Variants in ZNF385D observed in about 807,000 individuals in gnomAD.
ZNF385D encodes zinc finger protein 659.
Under a neutral mutation model 35.8 loss-of-function variants are expected in ZNF385D, and 15 were observed. The ratio of observed to expected loss-of-function variants is 0.42; its 90% CI spans 0.28 to 0.64. ZNF385D has a LOEUF of 0.64. ZNF385D is among the 30% of genes least tolerant of loss of function. The pLI, the probability that ZNF385D is intolerant of heterozygous loss-of-function variation, is 0.23. For synonymous variants in ZNF385D, 212 were observed against 186.8 expected (o/e 1.13, Z -1.10); for missense variants, 474 against 494.6 (o/e 0.96, Z 0.39).
chr3:21,735,596 G>A (rs751869067), intron 1 of ZNF385D, among the ~76,000 whole-genome samples: 1 of 152,166 alleles, frequency 6.6e-6, no homozygotes. Context: ...ATGGCTCAAT[G>A]AACAGAGGGG....
At chr3:22,004,860 T>G (rs570362323) in intron 3 of ZNF385D, among the ~76,000 whole-genome samples, 2 of 152,016 alleles carry the variant, frequency 1.3e-5, no homozygotes, top group Non-Finnish European at 2.9e-5. Context: ...CTCACATATA[T>G]TGATTGATGT....
intron 1 of ZNF385D, among the ~76,000 whole-genome samples, chr3:21,698,492 ACCTCTT>A (rs2067550720): frequency 6.6e-6 from 1 of 152,106 alleles, no homozygotes; most frequent in Non-Finnish European, 1.5e-5. Flanking sequence ...TTGAAAAAGT[ACCTCTT>A]GGGTACAGTG....
chr3:21,663,890 A>AATATATAT (rs66691637), intron 2 of ZNF385D, among the ~76,000 whole-genome samples: 784 of 64,378 alleles, frequency 0.012, 40 homozygotes, highest in African/African-American at 0.033. Flanking sequence ...TTGTGGGCCG[A>AATATATAT]ATATATATAT....
chr3:21,493,619 T>G (rs991669195), intron 4 of ZNF385D, among the ~76,000 whole-genome samples: 2 of 150,704 alleles, frequency 1.3e-5, no homozygotes, highest in Non-Finnish European at 3.0e-5. Context: ...AAATCCCTTT[T>G]AGGTTAATGG....
intron 3 of ZNF385D, among the ~76,000 whole-genome samples, chr3:21,936,845 C>A (rs1345525024): frequency 6.6e-6 from 1 of 152,074 alleles, no homozygotes; most frequent in Non-Finnish European, 1.5e-5. Context: ...CTGTAAACTT[C>A]CTGGGCTTTT....
intron 2 of ZNF385D, among the ~76,000 whole-genome samples, chr3:21,636,002 T>C (rs2065420612): frequency 6.6e-6 from 1 of 152,122 alleles, no homozygotes. Flanking sequence ...CAATTGCAAA[T>C]TGTGCTGCTG....
intron 3 of ZNF385D, among the ~76,000 whole-genome samples, chr3:22,149,839 T>C (rs1372787121): frequency 2.6e-5 from 4 of 152,160 alleles, no homozygotes; most frequent in Non-Finnish European, 5.9e-5. Context: ...TCTCAGACTT[T>C]TTTTTGTCTT....
chr3:21,759,428 G>A (rs573947378), intron 3 of ZNF385D, among the ~76,000 whole-genome samples: 13 of 151,414 alleles, frequency 8.6e-5, no homozygotes, highest in African/African-American at 3.2e-4. Flanking sequence ...ATGCCATATT[G>A]GATGAGATCT....
chr3:21,750,257 T>G (rs2069998123), intron 1 of ZNF385D, among the ~76,000 whole-genome samples: 3 of 152,216 alleles, frequency 2.0e-5, no homozygotes, highest in Admixed American at 2.0e-4. Context: ...GCAGCTCAAC[T>G]GAAAACCTAA....
intron 4 of ZNF385D, among the ~76,000 whole-genome samples, chr3:21,498,449 T>C (rs1706089296): frequency 6.6e-6 from 1 of 152,120 alleles, no homozygotes; most frequent in African/African-American, 2.4e-5. Context: ...AGAATATATT[T>C]GCAAACTATC....
intron 3 of ZNF385D, among the ~76,000 whole-genome samples, chr3:22,100,844 T>C (rs78883529): frequency 0.11 from 16,503 of 150,422 alleles, 1,089 homozygotes; most frequent in Admixed American, 0.19. Flanking sequence ...AATATTAAAA[T>C]AAAAAAAAGA....
intron 2 of ZNF385D, among the ~76,000 whole-genome samples, chr3:21,617,777 GT>G (rs2064891122): frequency 6.6e-6 from 1 of 152,168 alleles, no homozygotes; most frequent in Admixed American, 6.5e-5. Context: ...TTGGTACGAT[GT>G]TTGAGACTGC....
intron 2 of ZNF385D, among the ~76,000 whole-genome samples, chr3:22,200,394 C>G (rs947279031): frequency 2.6e-5 from 4 of 151,974 alleles, no homozygotes; most frequent in Non-Finnish European, 5.9e-5. Flanking sequence ...GCCGTAAAAC[C>G]AGCAAGTTTT....
At chr3:21,712,049 G>A (rs2068129747) in intron 1 of ZNF385D, among the ~76,000 whole-genome samples, 1 of 152,076 alleles carries the variant, frequency 6.6e-6, no homozygotes, top group Non-Finnish European at 1.5e-5. Context: ...CTTTTTAAAA[G>A]GTGTACCCCA....
chr3:22,183,147 G>A (rs1695396436), intron 2 of ZNF385D, among the ~76,000 whole-genome samples: 2 of 152,220 alleles, frequency 1.3e-5, no homozygotes, highest in Non-Finnish European at 2.9e-5. Context: ...GAAAAATAAT[G>A]AGTTAAAACT....
chr3:22,272,836 CAT>C (rs1701244756), intron 2 of ZNF385D, among the ~76,000 whole-genome samples: 1 of 151,900 alleles, frequency 6.6e-6, no homozygotes, highest in African/African-American at 2.4e-5. Context: ...ATATTATAGA[CAT>C]GTGCTAAAAT....
chr3:22,146,010 T>C (rs780852940), intron 3 of ZNF385D, among the ~76,000 whole-genome samples: 1 of 152,156 alleles, frequency 6.6e-6, no homozygotes, highest in Non-Finnish European at 1.5e-5. Context: ...CAGTGAAAGA[T>C]GAGTGAAACA....
At chr3:21,822,527 C>T (rs1330945155) in intron 3 of ZNF385D, among the ~76,000 whole-genome samples, 1 of 152,006 alleles carries the variant, frequency 6.6e-6, no homozygotes, top group African/African-American at 2.4e-5. Context: ...TTGTCATTAC[C>T]TAGAAAATTT....
At chr3:21,956,091 T>A (rs1269522726) in intron 3 of ZNF385D, among the ~76,000 whole-genome samples, 7 of 151,686 alleles carry the variant, frequency 4.6e-5, no homozygotes, top group Admixed American at 4.6e-4. Context: ...GAGGCTGAGG[T>A]GAGAGGATCT....
Sources: allele counts gnomAD v4.1 joint callset (sites outside exome capture counted in the v4.1 genomes callset), GRCh38; gene constraint gnomAD v4.1.1; transcripts MANE v1.5; gene names NCBI Gene and HGNC (gene_info 2026-07-23, HGNC 2026-07-21).